The following SLC9D1 variants were observed in gnomAD, a reference collection of about 807,000 sequenced individuals.
SLC9D1 encodes the protein putative LAG1-interacting protein.
chr13:113,522,210 C>G, the SLC9D1 span, among the ~76,000 whole-genome samples: 2 of 152,214 alleles, frequency 1.3e-5, no homozygotes, highest in East Asian at 1.9e-4. Flanking sequence ...TGTAGACTCT[C>G]TTTGTCAAGC....
chr13:113,518,728 C>T, the SLC9D1 span, among the ~76,000 whole-genome samples: 7 of 152,092 alleles, frequency 4.6e-5, no homozygotes, highest in Non-Finnish European at 8.8e-5. Flanking sequence ...GTGAAGCCTC[C>T]GCATGGACAA....
the SLC9D1 span, among the ~76,000 whole-genome samples, chr13:113,514,757 C>T: frequency 6.6e-6 from 1 of 152,194 alleles, no homozygotes; most frequent in South Asian, 2.1e-4. Flanking sequence ...CTTGCTGTCA[C>T]CCAGGCTGGA....
At chr13:113,492,923 C>A in the SLC9D1 span, among the ~76,000 whole-genome samples, 15 of 152,214 alleles carry the variant, frequency 9.9e-5, no homozygotes, top group African/African-American at 3.6e-4. Context: ...ACAAAAAAAA[C>A]ACATTACAGG....
At chr13:113,543,620 C>T in the SLC9D1 span, among the ~76,000 whole-genome samples, 7 of 143,594 alleles carry the variant, frequency 4.9e-5, no homozygotes, top group Admixed American at 1.4e-4. Context: ...TTCTTTTAGA[C>T]GAGGACTAAT....
At chr13:113,501,510 C>G in the SLC9D1 span, among the ~76,000 whole-genome samples, 3 of 152,090 alleles carry the variant, frequency 2.0e-5, no homozygotes, top group Non-Finnish European at 4.4e-5. Flanking sequence ...CCAAAGATAC[C>G]GAGGGGTGAC....
chr13:113,520,617 C>T, the SLC9D1 span: 11 of 1,608,212 alleles, frequency 6.8e-6, no homozygotes, highest in East Asian at 1.1e-4. Flanking sequence ...CCCCCACAGG[C>T]GACATTGACT....
At chr13:113,513,011 G>A in the SLC9D1 span, among the ~76,000 whole-genome samples, 2 of 152,138 alleles carry the variant, frequency 1.3e-5, 1 homozygote, top group South Asian at 4.1e-4. Context: ...CTCGAGACAG[G>A]AGCCCATCTC....
the SLC9D1 span, among the ~76,000 whole-genome samples, chr13:113,538,085 G>C: frequency 6.6e-6 from 1 of 151,734 alleles, no homozygotes; most frequent in African/African-American, 2.4e-5. Flanking sequence ...CGTTTGCCTT[G>C]TGTGGAATGT....
At chr13:113,523,315 C>A in the SLC9D1 span, among the ~76,000 whole-genome samples, 1 of 152,100 alleles carries the variant, frequency 6.6e-6, no homozygotes, top group African/African-American at 2.4e-5. Context: ...AGTTTTCTTA[C>A]AAATTTAATT....
At chr13:113,495,956 C>T in the SLC9D1 span, 1 of 1,613,712 alleles carries the variant, frequency 6.2e-7, no homozygotes, top group Non-Finnish European at 8.5e-7. Context: ...AGGGGGATTA[C>T]AAAGATGTCG....
chr13:113,520,744 T>C, the SLC9D1 span: 2 of 1,570,360 alleles, frequency 1.3e-6, no homozygotes, highest in Admixed American at 3.4e-5. Context: ...GTAAACGCTT[T>C]GTGTACGCAA....
chr13:113,537,527 T>A, the SLC9D1 span, among the ~76,000 whole-genome samples: 1 of 152,280 alleles, frequency 6.6e-6, no homozygotes, highest in Non-Finnish European at 1.5e-5. Flanking sequence ...GATATGTTTT[T>A]GCAAATGTCT....
the SLC9D1 span, chr13:113,503,714 C>A: frequency 8.5e-6 from 5 of 586,506 alleles, no homozygotes; most frequent in Admixed American, 3.3e-5. Flanking sequence ...TATGATATTT[C>A]GGTTTGATGT....
chr13:113,508,819 T>C, the SLC9D1 span, among the ~76,000 whole-genome samples: 1 of 152,250 alleles, frequency 6.6e-6, no homozygotes, highest in Admixed American at 6.5e-5. Context: ...AAAAAAAAAG[T>C]TGTAATTTTG....
chr13:113,516,567 A>C, the SLC9D1 span, among the ~76,000 whole-genome samples: 3 of 144,152 alleles, frequency 2.1e-5, no homozygotes, highest in Admixed American at 7.1e-5. Flanking sequence ...CTCCATCTCA[A>C]AAAAAAAAAA....
At chr13:113,539,362 G>A in the SLC9D1 span, 15 of 1,612,172 alleles carry the variant, frequency 9.3e-6, no homozygotes, top group African/African-American at 5.3e-5. The surrounding 1 kb of genome is among the most constrained non-coding windows in gnomAD (Gnocchi z 4.8). Context: ...CTCAGGTCAC[G>A]GAGCTGCTGG....
the SLC9D1 span, chr13:113,528,609 G>T: frequency 1.3e-5 from 2 of 152,222 alleles, no homozygotes; most frequent in African/African-American, 4.8e-5. Flanking sequence ...CTACCTGGTG[G>T]ACCGTGGGAA....
the SLC9D1 span, among the ~76,000 whole-genome samples, chr13:113,517,436 G>T: frequency 6.6e-6 from 1 of 152,104 alleles, no homozygotes; most frequent in Non-Finnish European, 1.5e-5. Context: ...CACCGTGTTA[G>T]CCAGGATGGT....
the SLC9D1 span, among the ~76,000 whole-genome samples, chr13:113,523,081 G>T: frequency 2.6e-5 from 4 of 151,002 alleles, no homozygotes; most frequent in African/African-American, 9.7e-5. Context: ...GGATTTTGGG[G>T]TCTAACTTCA....
Sources: gnomAD v4.1 joint callset for allele counts (sites outside exome capture counted in the v4.1 genomes callset) on GRCh38, gnomAD v4.1.1 for gene constraint, Gnocchi (gnomAD v3.1) non-coding constraint, MANE v1.5 for transcripts, NCBI Gene and HGNC (gene_info 2026-07-23, HGNC 2026-07-21) for gene names.